The following NBAS variants were observed in gnomAD, a reference collection of about 807,000 sequenced individuals.
NBAS encodes the protein NBAS subunit of NRZ tethering complex.
NBAS carries 219 observed loss-of-function variants against 302.5 expected under a neutral mutation model. The ratio of observed to expected loss-of-function variants is 0.72; its 90% confidence interval spans 0.65 to 0.81. The LOEUF (loss-of-function observed/expected upper bound fraction) is 0.81. Ranked by LOEUF, NBAS falls within the 30% of genes least tolerant of loss-of-function variation. The probability of loss-of-function intolerance (pLI) is 0.00; values close to 1 mark genes in which losing one functional copy is unlikely to be tolerated. For missense variants in NBAS, 2,932 were observed against 2,841.6 expected, an observed-to-expected ratio of 1.03 and a Z score of -0.72; for synonymous variants, 1,118 against 1,021.6, an observed-to-expected ratio of 1.09 and a Z score of -1.80.
At chr2:15,135,044 C>A in the NBAS span, among the ~76,000 whole-genome samples, 1 of 152,196 alleles carries the variant, frequency 6.6e-6, no homozygotes, top group African/African-American at 2.4e-5. Context: ...TTTCCAAGAG[C>A]CCACACTTGT....
intron 44 of NBAS, among the ~76,000 whole-genome samples, chr2:15,244,706 C>A (rs973979902): frequency 6.6e-6 from 1 of 152,078 alleles, no homozygotes; most frequent in Non-Finnish European, 1.5e-5. Flanking sequence ...AGTATTATGC[C>A]AACTTTGGGC....
At chr2:15,519,556 A>G (rs1258877666) in intron 9 of NBAS, among the ~76,000 whole-genome samples, 1 of 152,094 alleles carries the variant, frequency 6.6e-6, no homozygotes, top group Non-Finnish European at 1.5e-5. Context: ...TCGCACCCTC[A>G]GCCTCCCAAG....
intron 24 of NBAS, among the ~76,000 whole-genome samples, chr2:15,417,092 C>T (rs1448867724): frequency 1.3e-5 from 2 of 152,174 alleles, no homozygotes; most frequent in Non-Finnish European, 2.9e-5. Flanking sequence ...CTAAGAATTA[C>T]TGGGAAAATT....
At chr2:15,185,463 T>C (rs928096200) in intron 50 of NBAS, among the ~76,000 whole-genome samples, 3 of 152,194 alleles carry the variant, frequency 2.0e-5, no homozygotes, top group Non-Finnish European at 2.9e-5. Context: ...AATCTCATGT[T>C]ATTTACATGT....
chr2:15,345,636 A>C (rs1289417899), intron 35 of NBAS, among the ~76,000 whole-genome samples: 1 of 152,224 alleles, frequency 6.6e-6, no homozygotes, highest in Non-Finnish European at 1.5e-5. Flanking sequence ...GACATTCTTC[A>C]CAGAATTAGA....
At chr2:14,957,278 C>CGTGTGTGTGTGTGTGTGTGT in the NBAS span, among the ~76,000 whole-genome samples, 55 of 147,576 alleles carry the variant, frequency 3.7e-4, no homozygotes, top group African/African-American at 1.4e-3. Context: ...TATACATATA[C>CGTGTGTGTGTGTGTGTGTGT]GTGTGTGTGT....
At chr2:14,860,678 A>T in the NBAS span, among the ~76,000 whole-genome samples, 6 of 152,144 alleles carry the variant, frequency 3.9e-5, no homozygotes, top group Non-Finnish European at 7.4e-5. Context: ...CAGAGGCTGG[A>T]AGGATAGGGA....
At chr2:15,110,675 A>T in the NBAS span, among the ~76,000 whole-genome samples, 2 of 151,990 alleles carry the variant, frequency 1.3e-5, no homozygotes, top group Non-Finnish European at 2.9e-5. Flanking sequence ...TCTCTGGGGA[A>T]TGTGATCAAC....
At chr2:15,236,969 C>T (rs1207123868) in intron 45 of NBAS, among the ~76,000 whole-genome samples, 1 of 152,008 alleles carries the variant, frequency 6.6e-6, no homozygotes, top group African/African-American at 2.4e-5. Flanking sequence ...TTGAAGTCTC[C>T]CATTTGCTCA....
the NBAS span, among the ~76,000 whole-genome samples, chr2:15,054,066 C>CTTCAGTT: frequency 6.6e-6 from 1 of 152,168 alleles, no homozygotes; most frequent in East Asian, 1.9e-4. Flanking sequence ...ACAATCCCCT[C>CTTCAGTT]CAAACAGGAC....
chr2:15,507,347 G>A (rs150945687), intron 10 of NBAS, among the ~76,000 whole-genome samples: 6 of 152,196 alleles, frequency 3.9e-5, no homozygotes, highest in South Asian at 2.1e-4. Context: ...AGGATTTCTC[G>A]TGGAAATAGG....
chr2:15,034,006 GAAGAAGAAGAAGAA>G, the NBAS span, among the ~76,000 whole-genome samples: 16 of 46,548 alleles, frequency 3.4e-4, no homozygotes, highest in South Asian at 7.4e-3. Context: ...AGAAGAAGAA[GAAGAAGAAGAAGAA>G]GAAGAAGAGG....
intron 40 of NBAS, among the ~76,000 whole-genome samples, chr2:15,295,575 G>T (rs544371770): frequency 6.6e-6 from 1 of 152,328 alleles, no homozygotes; most frequent in South Asian, 2.1e-4. Context: ...GGAAGCAGGT[G>T]TTCCAAAAAT....
intron 19 of NBAS, among the ~76,000 whole-genome samples, chr2:15,462,132 G>T (rs13384474): frequency 0.018 from 2,758 of 152,272 alleles, 82 homozygotes; most frequent in African/African-American, 0.063. Context: ...CTCTATAGAT[G>T]AACTTTAGTT....
At chr2:14,858,837 A>C in the NBAS span, among the ~76,000 whole-genome samples, 1 of 152,126 alleles carries the variant, frequency 6.6e-6, no homozygotes, top group East Asian at 1.9e-4. Context: ...GATTGTTTGC[A>C]ACACAAAGGA....
At chr2:15,359,625 C>A (rs1673796164) in intron 32 of NBAS, among the ~76,000 whole-genome samples, 1 of 151,878 alleles carries the variant, frequency 6.6e-6, no homozygotes, top group African/African-American at 2.4e-5. Flanking sequence ...GTTTTCGTTG[C>A]CCTTTCAACA....
chr2:14,901,857 GA>G, the NBAS span, among the ~76,000 whole-genome samples: 1 of 152,176 alleles, frequency 6.6e-6, no homozygotes, highest in Non-Finnish European at 1.5e-5. Context: ...ATGTGCTGTG[GA>G]AGGACAGTTC....
chr2:14,985,265 A>T, the NBAS span, among the ~76,000 whole-genome samples: 1 of 152,212 alleles, frequency 6.6e-6, no homozygotes, highest in Non-Finnish European at 1.5e-5. Flanking sequence ...TAAAGAAAAA[A>T]GGAAAGAGAA....
intron 51 of NBAS, among the ~76,000 whole-genome samples, chr2:15,170,350 G>A (rs1664237189): frequency 1.3e-5 from 2 of 152,218 alleles, no homozygotes; most frequent in Non-Finnish European, 2.9e-5. Context: ...GGAAGGGCAG[G>A]GTAGGCTGTC....
Sources: allele counts gnomAD v4.1 joint callset (sites outside exome capture counted in the v4.1 genomes callset), GRCh38; gene constraint gnomAD v4.1.1; transcripts MANE v1.5; gene names NCBI Gene and HGNC (gene_info 2026-07-23, HGNC 2026-07-21).